TMEM167A: variants seen among roughly 807,000 people sequenced by gnomAD.
TMEM167A encodes protein kish-A.
A neutral mutation model predicts 11.6 loss-of-function variants in TMEM167A; 8 were observed. The observed-to-expected ratio is 0.69, with a 90% CI of 0.40 to 1.24. TMEM167A has a LOEUF of 1.24. TMEM167A is among the 50% of genes most tolerant of loss of function. The pLI is 0.01. For synonymous variants in TMEM167A, 22 were observed against 28.0 expected, an observed-to-expected ratio of 0.79 and a Z score of 0.67; for missense variants, 62 against 87.0, an observed-to-expected ratio of 0.71 and a Z score of 1.14.
rs1744300517 is a variant in TMEM167A, at chr5:83,054,440, C to T, written c.*2644G>A. ...AGATGGAATCAAAAGACTCTGAAGCCAAAAGGAGGCTAGGGAGAGCAACTG... is the reference window on the plus strand; with the variant it reads ...AGATGGAATCAAAAGACTCTGAAGCTAAAAGGAGGCTAGGGAGAGCAACTG... On this transcript the variant is annotated 3_prime_UTR_variant, in exon 4 of 4. Coordinates refer to ENST00000502346, the MANE Select transcript of TMEM167A (RefSeq NM_174909.5). 3 of 151,934 alleles carry T rather than the reference C, an allele frequency of 2.0e-5. No homozygotes were observed. The highest frequency in any genetic ancestry group is 7.2e-5 in the African/African-American group (3 of 41,388). The allele number at this position is 151,934 out of a possible 1,614,324, so 9.4% of individuals were successfully genotyped here. A position where few individuals can be genotyped will look rare whatever the true frequency, so the allele number is the denominator to read the frequency against.
At chr5:83,073,758 T>C (rs1347260698) in intron 1 of TMEM167A, among the ~76,000 whole-genome samples, 1 of 152,238 alleles carries the variant, frequency 6.6e-6, no homozygotes. Flanking sequence ...CAATTGGGAA[T>C]GGAGTTTCTT....
chr5:83,072,597 C>T (rs1210373925), intron 1 of TMEM167A, among the ~76,000 whole-genome samples: 1 of 152,078 alleles, frequency 6.6e-6, no homozygotes, highest in Admixed American at 6.5e-5. Flanking sequence ...GGCATGATCT[C>T]GGCTCATTGC....
At chr5:83,075,761 A>T (rs1202689292) in intron 1 of TMEM167A, among the ~76,000 whole-genome samples, 1 of 151,538 alleles carries the variant, frequency 6.6e-6, no homozygotes, top group African/African-American at 2.4e-5. Context: ...AAAAAAAATC[A>T]TTAAAATACA....
Position 83,057,855 on chromosome 5 carries a change from T to A in TMEM167A, c.149-701A>T, listed in dbSNP as rs1210982326. Among the ~76,000 whole-genome samples the A allele has an allele frequency of 6.6e-5, 10 of 152,088 alleles. No individual in the cohort carries two copies. In the East Asian group the frequency reaches 1.9e-3, roughly 29 times the overall value. On this transcript the variant is annotated intron_variant, in intron 3 of 3. Coordinates refer to ENST00000502346, the MANE Select transcript of TMEM167A (RefSeq NM_174909.5). ...GTACGAAGTAAATCTCAAACTGGCT[T>A]GTGAATTGTCTCGCAAACAGATAGA... is the stretch of plus-strand genomic sequence containing the variant.
At chr5:83,058,397 C>G (rs80149834) in intron 3 of TMEM167A, among the ~76,000 whole-genome samples, 2,794 of 151,896 alleles carry the variant, frequency 0.018, 69 homozygotes, top group African/African-American at 0.062. Flanking sequence ...TGCCTTCCGG[C>G]TAAAAAAAAT....
intron 1 of TMEM167A, among the ~76,000 whole-genome samples, chr5:83,074,797 T>G (rs1744614490): frequency 6.6e-6 from 1 of 151,336 alleles, no homozygotes; most frequent in Non-Finnish European, 1.5e-5. Context: ...TGAGATGGAG[T>G]TTCGCTCTTG....
rs775421306 is a variant in TMEM167A, at chr5:83,056,022, T to G, written c.*1062A>C. On this transcript the variant is annotated 3_prime_UTR_variant, in exon 4 of 4. Transcript: ENST00000502346. ...TCTATTGTAAAATTTAGAAGTCACA[T>G]TCCTAATATTCCTCTCGCCTAGACT... The G allele has an allele frequency of 3.3e-5, 5 of 151,982 alleles. No homozygotes were observed. The highest frequency in any genetic ancestry group is 7.4e-5 in the Non-Finnish European group (5 of 67,910). The allele number at this position is 151,982 out of a possible 1,614,324, so 9.4% of individuals were successfully genotyped here. A position where few individuals can be genotyped will look rare whatever the true frequency, so the allele number is the denominator to read the frequency against.
intron 2 of TMEM167A, among the ~76,000 whole-genome samples, chr5:83,062,848 T>A (rs1580174419): frequency 6.8e-6 from 1 of 147,844 alleles, no homozygotes; most frequent in Admixed American, 6.6e-5. Flanking sequence ...ATTTATAGTA[T>A]ACTTTTTTTT....
intron 1 of TMEM167A, among the ~76,000 whole-genome samples, chr5:83,071,084 T>G (rs1202960081): frequency 6.6e-6 from 1 of 152,156 alleles, no homozygotes; most frequent in Admixed American, 6.5e-5. Flanking sequence ...TGACTGGTTA[T>G]TAAGCATACT....
chr5:83,077,221 G>C, intron 1 of TMEM167A, 100 bp downstream of exon 1: 5 of 1,570,160 alleles, frequency 3.2e-6, no homozygotes, highest in East Asian at 2.2e-5. Context: ...TCTCAGCTCC[G>C]GGCCCACACA....
rs1412123104 is a variant in TMEM167A, at chr5:83,056,358, AAGAC to A, written c.*722_*725del. On this transcript the variant is annotated 3_prime_UTR_variant, in exon 4 of 4. Transcript: ENST00000502346. ...CTAAGAACGTTGTGTTTTTCAGAGA[AAGAC>A]AGCTTTCCAGCAAAAATTCATGCAC... is the stretch of plus-strand genomic sequence containing the variant. 4 of 152,020 alleles carry A rather than the reference AAGAC, an allele frequency of 2.6e-5. No homozygotes were observed. Among genetic ancestry groups the A allele is most frequent in the Admixed American group, 1.3e-4 (2 of 15,234 alleles). 9.4% of individuals were successfully genotyped at this position (152,020 alleles called of 1,614,324 possible).
chr5:83,075,613 T>C (rs1180414301), intron 1 of TMEM167A, among the ~76,000 whole-genome samples: 1 of 151,822 alleles, frequency 6.6e-6, no homozygotes, highest in Non-Finnish European at 1.5e-5. Context: ...GGCGTGGTTG[T>C]GCACGCCTGT....
chr5:83,063,680 A>AT, intron 2 of TMEM167A, among the ~76,000 whole-genome samples: 1 of 152,088 alleles, frequency 6.6e-6, no homozygotes, highest in Admixed American at 6.5e-5. Context: ...TATTTCTGTA[A>AT]TACCCCAATT....
chr5:83,077,308 C>A lies in TMEM167A; in HGVS notation c.3+13G>T. On this transcript the variant is annotated intron_variant, in intron 1 of 3. Coordinates refer to ENST00000502346, the MANE Select transcript of TMEM167A (RefSeq NM_174909.5). ...TCGAAGATCAACCGCGACCTGGGAG[C>A]CCCACTTCTTACCATAGCGAGGCCG... The A allele has an allele frequency of 6.2e-7, 1 of 1,614,178 alleles. No individual in the cohort carries two copies. Among genetic ancestry groups the A allele is most frequent in the Non-Finnish European group, 8.5e-7 (1 of 1,180,022 alleles).
chr5:83,058,788 TA>T (rs1245521880), intron 3 of TMEM167A, among the ~76,000 whole-genome samples: 8 of 152,130 alleles, frequency 5.3e-5, no homozygotes, highest in African/African-American at 1.9e-4. Flanking sequence ...TTAATTTTCT[TA>T]AAAGAGACTG....
intron 1 of TMEM167A, among the ~76,000 whole-genome samples, chr5:83,069,971 A>G (rs114540682): frequency 2.1e-3 from 325 of 152,278 alleles, no homozygotes; most frequent in African/African-American, 7.3e-3. Flanking sequence ...ATGGCTTTGC[A>G]TATATGCTTA....
chr5:83,066,401 AAC>A (rs1376456891), intron 1 of TMEM167A, among the ~76,000 whole-genome samples: 1 of 152,208 alleles, frequency 6.6e-6, no homozygotes, highest in African/African-American at 2.4e-5. Flanking sequence ...TTTAGTGAAA[AAC>A]AGTTATAGAT....
chr5:83,059,974 A>C (rs1744384803), intron 3 of TMEM167A, among the ~76,000 whole-genome samples: 1 of 151,226 alleles, frequency 6.6e-6, no homozygotes, highest in Non-Finnish European at 1.5e-5. Context: ...CTTATTACAA[A>C]AGAAAGACTC....
rs2112236641 is a variant in TMEM167A, at chr5:83,056,161, C to T, written c.*923G>A. ...CACCTCCAAAGTAACAAAAGAGATT[C>T]CAGTTCAAGTTGACAAAACACAAAC... On this transcript the variant is annotated 3_prime_UTR_variant, in exon 4 of 4. Transcript: ENST00000502346. The T allele has an allele frequency of 6.6e-6, 1 of 152,022 alleles. No individual in the cohort carries two copies. Among genetic ancestry groups the T allele is most frequent in the South Asian group, 2.1e-4 (1 of 4,818 alleles). The allele number at this position is 152,022 out of a possible 1,614,324, so 9.4% of individuals were successfully genotyped here.
Sources: gnomAD v4.1 joint callset for allele counts (sites outside exome capture counted in the v4.1 genomes callset) on GRCh38, gnomAD v4.1.1 for gene constraint, MANE v1.5 for transcripts, NCBI Gene and HGNC (gene_info 2026-07-23, HGNC 2026-07-21) for gene names.